The following MDGA2 variants were observed in gnomAD, a reference collection of about 807,000 sequenced individuals.
The protein encoded by MDGA2 is MAM domain containing glycosylphosphatidylinositol anchor 2, also known as MAM domain-containing glycosylphosphatidylinositol anchor protein 2.
MDGA2 carries 40 observed loss-of-function variants against 117.8 expected under a neutral mutation model. The observed-to-expected ratio is 0.34, with a 90% confidence interval of 0.26 to 0.44. The LOEUF (loss-of-function observed/expected upper bound fraction) is 0.44. MDGA2 is among the 20% of genes least tolerant of loss of function. The pLI is 1.00. For missense variants in MDGA2, 1,123 were observed against 1,250.6 expected, an observed-to-expected ratio of 0.90 and a Z score of 1.54; for synonymous variants, 452 against 439.0, an observed-to-expected ratio of 1.03 and a Z score of -0.37.
intron 2 of MDGA2, among the ~76,000 whole-genome samples, chr14:47,231,365 T>G (rs903136407): frequency 6.6e-6 from 1 of 152,030 alleles, no homozygotes; most frequent in Non-Finnish European, 1.5e-5. Flanking sequence ...TTTTCTCAGA[T>G]CCCAAAGTAG....
At chr14:47,282,696 C>CAA (rs572508750) in intron 2 of MDGA2, among the ~76,000 whole-genome samples, 7 of 120,498 alleles carry the variant, frequency 5.8e-5, no homozygotes, top group Non-Finnish European at 9.1e-5. Context: ...GAATGTGTCT[C>CAA]AAAAAAAAAA....
intron 1 of MDGA2, among the ~76,000 whole-genome samples, chr14:47,607,732 T>C (rs1896767374): frequency 6.6e-6 from 1 of 152,130 alleles, no homozygotes; most frequent in African/African-American, 2.4e-5. Context: ...TTGCATCATG[T>C]AGGCCAGAGG....
rs1349868644 is a variant in MDGA2, at chr14:47,247,431, G to C, written c.421-29236C>G. 1.3e-5 allele frequency among the ~76,000 whole-genome samples: 2 copies of C among 150,220 alleles called. 1 individual carries two copies. Among genetic ancestry groups the C allele is most frequent in the Non-Finnish European group, 3.0e-5 (2 of 67,406 alleles). ...GCAATTCTCCTGCCTCCGCCTCCTT[G>C]GTAGCTGGAAGTACAGGCACCTGCC... On this transcript the variant is annotated intron_variant, in intron 2 of 16. Transcript: ENST00000399232.
At position 47,144,135 on chromosome 14, in the gene MDGA2, C is replaced by G; in HGVS notation, c.735G>C (p.Glu245Asp). 1 of 1,551,146 alleles carries G rather than the reference C, an allele frequency of 6.4e-7. No homozygotes were observed. Among genetic ancestry groups the G allele is most frequent in the Non-Finnish European group, 8.7e-7 (1 of 1,146,698 alleles). Residue 245 changes from glutamate to aspartate, a missense_variant, in exon 4 of 17, where the codon GAG becomes GAC. Coordinates refer to ENST00000399232, the MANE Select transcript of MDGA2 (RefSeq NM_001113498.3). ...CTTTATCAGATCCTTGCAGCAAGAC[C>G]TCCTGGCCACGTCTCCAGCTATACC... ...PVRYSWRRGQ[E>D]VLLQGSDKGV... is the part of the protein sequence containing the mutation.
At chr14:47,304,153 C>T (rs765249506) in intron 1 of MDGA2, among the ~76,000 whole-genome samples, 1 of 152,056 alleles carries the variant, frequency 6.6e-6, no homozygotes, top group Non-Finnish European at 1.5e-5. Context: ...AGCTGCTCAA[C>T]GATAATGAGA....
chr14:47,030,407 G>A (rs1429416651), intron 8 of MDGA2, among the ~76,000 whole-genome samples: 1 of 151,850 alleles, frequency 6.6e-6, no homozygotes. Context: ...CCAGCTACTT[G>A]GGAGGCTGAA....
At chr14:47,185,604 A>C (rs929211807) in intron 3 of MDGA2, among the ~76,000 whole-genome samples, 2 of 151,616 alleles carry the variant, frequency 1.3e-5, no homozygotes, top group Non-Finnish European at 3.0e-5. Flanking sequence ...AGAAACATGT[A>C]GACAATTTAC....
intron 12 of MDGA2, among the ~76,000 whole-genome samples, chr14:46,877,180 C>T (rs1366866264): frequency 6.6e-6 from 1 of 151,416 alleles, no homozygotes; most frequent in Non-Finnish European, 1.5e-5. Flanking sequence ...AAATGATATG[C>T]AATCCCACAA....
intron 10 of MDGA2, among the ~76,000 whole-genome samples, chr14:46,896,866 T>C (rs1046453508): frequency 6.6e-6 from 1 of 152,170 alleles, no homozygotes; most frequent in African/African-American, 2.4e-5. Context: ...AGCAGTGCTG[T>C]ATTTCTGAGC....
At chr14:46,897,480 C>T (rs956387565) in intron 10 of MDGA2, among the ~76,000 whole-genome samples, 9 of 151,998 alleles carry the variant, frequency 5.9e-5, no homozygotes, top group African/African-American at 1.9e-4. Flanking sequence ...TGCACAATAT[C>T]GTAGATTGAT....
chr14:47,444,168 A>G (rs762109594), intron 1 of MDGA2: 11 of 221,246 alleles, frequency 5.0e-5, no homozygotes, highest in Admixed American at 4.2e-4. Flanking sequence ...TTTGTGGTCC[A>G]TGATGCCAGC....
intron 4 of MDGA2, among the ~76,000 whole-genome samples, chr14:47,142,492 T>C (rs1407563077): frequency 6.6e-6 from 1 of 151,932 alleles, no homozygotes; most frequent in African/African-American, 2.4e-5. Flanking sequence ...GAAATAGCCA[T>C]ATAGAGAAAA....
chr14:47,410,189 C>T (rs894417328), intron 1 of MDGA2, among the ~76,000 whole-genome samples: 2 of 152,118 alleles, frequency 1.3e-5, no homozygotes, highest in African/African-American at 2.4e-5. Context: ...GAACTAAAGG[C>T]TTTAACCATT....
chr14:47,270,672 A>T (rs1888114008), intron 2 of MDGA2, among the ~76,000 whole-genome samples: 1 of 152,174 alleles, frequency 6.6e-6, no homozygotes, highest in South Asian at 2.1e-4. Context: ...ATGGAAAAAT[A>T]CAAAAACTTC....
chr14:47,285,249 T>G (rs1240850880), intron 2 of MDGA2, among the ~76,000 whole-genome samples: 1 of 152,184 alleles, frequency 6.6e-6, no homozygotes, highest in Non-Finnish European at 1.5e-5. Flanking sequence ...TCTAGCAAAA[T>G]TAACTATGGC....
intron 10 of MDGA2, among the ~76,000 whole-genome samples, chr14:46,900,133 G>C (rs533728647): frequency 1.3e-5 from 2 of 152,174 alleles, no homozygotes; most frequent in South Asian, 4.1e-4. Context: ...TCGGGCATTA[G>C]AGAAATACAA....
intron 1 of MDGA2, among the ~76,000 whole-genome samples, chr14:47,611,453 T>C (rs954226118): frequency 1.3e-5 from 2 of 151,978 alleles, no homozygotes; most frequent in Non-Finnish European, 2.9e-5. Context: ...CTTCACTATA[T>C]ATATATTTGA....
chr14:46,844,529 A>G (rs892856606), intron 16 of MDGA2, among the ~76,000 whole-genome samples: 1 of 152,048 alleles, frequency 6.6e-6, no homozygotes, highest in Non-Finnish European at 1.5e-5. Context: ...TGCAGTGAGC[A>G]GAGATTGCAC....
At chr14:47,102,275 A>C (rs1326217405) in intron 5 of MDGA2, among the ~76,000 whole-genome samples, 2 of 136,414 alleles carry the variant, frequency 1.5e-5, no homozygotes, top group Non-Finnish European at 1.6e-5. Context: ...AGATATTCTA[A>C]TTTAAGCTCA....
Sources: gnomAD v4.1 joint callset for allele counts (sites outside exome capture counted in the v4.1 genomes callset) on GRCh38, gnomAD v4.1.1 for gene constraint, MANE v1.5 for transcripts, NCBI Gene and HGNC (gene_info 2026-07-23, HGNC 2026-07-21) for gene names.